Variants in LRSAM1 observed in about 807,000 individuals in gnomAD.
The protein encoded by LRSAM1 is leucine rich repeat and sterile alpha motif containing 1, also known as E3 ubiquitin-protein ligase LRSAM1.
LRSAM1 carries 96 observed loss-of-function variants against 118.1 expected under a neutral mutation model. The observed-to-expected ratio is 0.81, with a 90% CI of 0.69 to 0.96. The LOEUF (loss-of-function observed/expected upper bound fraction) is 0.96, where lower values mean the gene tolerates loss of function less well. LRSAM1 is among the 40% of genes least tolerant of loss of function. The probability of loss-of-function intolerance (pLI) is 0.00; values close to 1 mark genes in which losing one functional copy is unlikely to be tolerated. For missense variants in LRSAM1, 804 were observed against 915.5 expected, an observed-to-expected ratio of 0.88 and a Z score of 1.57; for synonymous variants, 322 against 364.2, an observed-to-expected ratio of 0.88 and a Z score of 1.32.
chr9:127,462,133 C>T (rs1834770110), intron 8 of LRSAM1, 119 bp from the exon 9 acceptor site: 3 of 1,431,660 alleles, frequency 2.1e-6, no homozygotes, highest in Non-Finnish European at 1.9e-6. Context: ...GCCTAGGAAA[C>T]CTCAGAGCCC....
intron 16 of LRSAM1, among the ~76,000 whole-genome samples, chr9:127,484,285 C>CTTTT (rs1301004172): frequency 2.1e-5 from 3 of 141,852 alleles, no homozygotes; most frequent in Admixed American, 7.2e-5. Flanking sequence ...TTTTTTCCTG[C>CTTTT]TTCTTTATTT....
rs961226477 is a variant in LRSAM1 at position 127,469,878 on chromosome 9, T to C, written c.619+2048T>C. ...TACTAGGGAGGCTGAAGCAGGAGAATGGCGTGAACCCGGGAGGAGGAGCTT... is the reference window on the plus strand; with the variant it reads ...TACTAGGGAGGCTGAAGCAGGAGAACGGCGTGAACCCGGGAGGAGGAGCTT... On this transcript the variant is annotated intron_variant, in intron 10 of 25. Transcript: ENST00000300417. Among the ~76,000 whole-genome samples, 34 of 152,152 alleles carry C rather than the reference T, an allele frequency of 2.2e-4. 1 individual carries two copies. Among genetic ancestry groups the C allele is most frequent in the Middle Eastern group, 3.4e-3 (1 of 294 alleles).
chr9:127,499,409 T>C (rs1836284180), intron 24 of LRSAM1, among the ~76,000 whole-genome samples: 1 of 151,792 alleles, frequency 6.6e-6, no homozygotes, highest in Non-Finnish European at 1.5e-5. Flanking sequence ...TAGCAAGGCG[T>C]CATCCCAGCT....
chr9:127,482,902 T>C (rs937707335), intron 15 of LRSAM1, 48 bp from the exon 16 acceptor site: 8 of 1,525,538 alleles, frequency 5.2e-6, no homozygotes, highest in African/African-American at 1.4e-5. Flanking sequence ...TGGGATTCCC[T>C]GTTGGAAATG....
At chr9:127,479,690 A>G in intron 13 of LRSAM1, 149 bp from the exon 14 acceptor site, 1 of 1,307,540 alleles carries the variant, frequency 7.6e-7, no homozygotes, top group Non-Finnish European at 1.1e-6. Context: ...GCAGATGGAC[A>G]CTGTAGCCTA....
In LRSAM1 at chr9:127,455,617, G is replaced by C. The variant is rs1444184598; in HGVS notation, c.171G>C (p.Lys57Asn). The stretch of plus-strand genomic sequence containing the variant: ...TTGCAACATGCAAAGTTCTGCAGAA[G>C]AAGGTAAGATGGAGCTTCATCTTCA... ...GAFATCKVLQ[K>N]KVLIVHTNHL... Residue 57 changes from lysine (K) to asparagine (N), a missense_variant, in exon 5 of 26, where the codon AAG becomes AAC. Coordinates refer to ENST00000300417, the MANE Select transcript of LRSAM1 (RefSeq NM_001005373.4). 6.2e-7 allele frequency: 1 copy of C among 1,613,582 alleles called. No homozygotes were observed. Among genetic ancestry groups the C allele is most frequent in the Non-Finnish European group, 8.5e-7 (1 of 1,180,002 alleles).
intron 18 of LRSAM1, among the ~76,000 whole-genome samples, chr9:127,488,464 G>A (rs879775499): frequency 3.3e-5 from 5 of 152,114 alleles, no homozygotes; most frequent in East Asian, 1.9e-4. Context: ...GTTTTGCCAC[G>A]TTGGCCAGGC....
intron 16 of LRSAM1, 144 bp from the exon 17 acceptor site, chr9:127,485,592 T>C: frequency 1.3e-6 from 1 of 760,120 alleles, no homozygotes; most frequent in Non-Finnish European, 2.3e-6. Context: ...CAAAGGGTTT[T>C]TTTTAAGATA....
At position 127,455,182 on chromosome 9, in the gene LRSAM1, C is replaced by T. The variant is rs113996142; in HGVS notation, c.129+128C>T. ...AGAAGCTCTAGTCACGAGATGTTTC[C>T]TTAGATTTTGTTCTCGTCCAAAATA... On this transcript the variant is annotated intron_variant, in intron 4 of 25. Coordinates refer to ENST00000300417, the MANE Select transcript of LRSAM1 (RefSeq NM_001005373.4). The T allele has an allele frequency of 3.3e-3, 3,285 of 986,700 alleles. 73 individuals are homozygous for T. The African/African-American group carries it at 0.047, about 14-fold the overall frequency. 61.1% of individuals were successfully genotyped at this position (986,700 alleles called of 1,614,324 possible). A position where few individuals can be genotyped will look rare whatever the true frequency, so the allele number is the denominator to read the frequency against.
intron 9 of LRSAM1, among the ~76,000 whole-genome samples, chr9:127,466,492 ATATATATATATAT>A (rs1834934125): frequency 1.5e-4 from 2 of 13,400 alleles, no homozygotes; most frequent in South Asian, 3.2e-3. Flanking sequence ...ATATATATAT[ATATATATATATAT>A]TTTTTTTTTT....
In LRSAM1 at chr9:127,466,491, TA is replaced by T. The variant is rs1564258534; in HGVS notation, c.529-1248del. On this transcript the variant is annotated intron_variant, in intron 9 of 25. Transcript: ENST00000300417. ...AGGAAGAATCATATATATATATATA[TA>T]TATATATATATATTTTTTTTTTTTT... is the stretch of plus-strand genomic sequence containing the variant. Among the ~76,000 whole-genome samples, 121 of 15,104 alleles carry T rather than the reference TA, an allele frequency of 8.0e-3. 2 individuals are homozygous for T. The highest frequency in any genetic ancestry group is 0.023 in the African/African-American group (111 of 4,854). 9.9% of individuals were successfully genotyped at this position (15,104 alleles called of 152,430 possible). A position where few individuals can be genotyped will look rare whatever the true frequency, so the allele number is the denominator to read the frequency against.
chr9:127,454,406 G>A (rs1834438778), intron 2 of LRSAM1, 90 bp from the exon 3 acceptor site: 1 of 959,010 alleles, frequency 1.0e-6, no homozygotes, highest in Non-Finnish European at 1.7e-6. Flanking sequence ...CAGCAGACCA[G>A]CTGCATGCTC....
At chr9:127,454,808 G>C (rs935415242) in intron 3 of LRSAM1, among the ~76,000 whole-genome samples, 190 bp from the exon 4 acceptor site, 3 of 152,140 alleles carry the variant, frequency 2.0e-5, no homozygotes, top group Admixed American at 2.0e-4. Context: ...TTGCTTTTCA[G>C]TTCCTCATCC....
At chr9:127,458,404 C>A (rs7874738) in intron 6 of LRSAM1, among the ~76,000 whole-genome samples, 6,775 of 144,930 alleles carry the variant, frequency 0.047, 767 homozygotes, top group African/African-American at 0.17. Flanking sequence ...CAAAACAAAA[C>A]AAAACAAAAC....
At chr9:127,497,910 G>C (rs1161572387) in intron 24 of LRSAM1, among the ~76,000 whole-genome samples, 1 of 152,248 alleles carries the variant, frequency 6.6e-6, no homozygotes, top group South Asian at 2.1e-4. Context: ...AGGAGGCACT[G>C]TTGTGGTCCT....
At chr9:127,491,340 C>A (rs1218652611) in intron 20 of LRSAM1, 45 bp downstream of exon 20, 4 of 1,496,658 alleles carry the variant, frequency 2.7e-6, no homozygotes, top group Non-Finnish European at 3.7e-6. Context: ...GTGGTGAGAC[C>A]CCCACCTGGT....
chr9:127,485,704 C>T (rs202039008), intron 16 of LRSAM1, 32 bp from the exon 17 acceptor site: 34 of 1,609,152 alleles, frequency 2.1e-5, no homozygotes, highest in Middle Eastern at 3.3e-4. Context: ...GCAGCCACTC[C>T]ACTCAGCTGT....
At chr9:127,486,136 T>C (rs1835720754) in intron 17 of LRSAM1, among the ~76,000 whole-genome samples, 1 of 152,238 alleles carries the variant, frequency 6.6e-6, no homozygotes, top group Non-Finnish European at 1.5e-5. Flanking sequence ...ACTGTATTGT[T>C]ATTAGCCCGA....
chr9:127,457,172 G>T, intron 5 of LRSAM1, 144 bp from the exon 6 acceptor site: 1 of 814,184 alleles, frequency 1.2e-6, no homozygotes, highest in Non-Finnish European at 2.1e-6. Flanking sequence ...GAGAGTTCAT[G>T]ATACTGACCC....
Sources: gnomAD v4.1 joint callset for allele counts (sites outside exome capture counted in the v4.1 genomes callset) on GRCh38, gnomAD v4.1.1 for gene constraint, MANE v1.5 for transcripts, NCBI Gene and HGNC (gene_info 2026-07-23, HGNC 2026-07-21) for gene names.